Variants in CD44 observed in about 807,000 individuals in gnomAD.
CD44 encodes the protein CD44 molecule (IN blood group), also known as CD44 antigen.
Under a neutral mutation model 88.8 loss-of-function variants are expected in CD44, and 49 were observed. The observed-to-expected ratio is 0.55, with a 90% confidence interval of 0.44 to 0.70. The LOEUF (loss-of-function observed/expected upper bound fraction) is 0.70, where lower values mean the gene tolerates loss of function less well. CD44 is among the 30% of genes least tolerant of loss of function. CD44 has a pLI of 0.00. For missense variants in CD44, 883 were observed against 913.8 expected (o/e 0.97, Z 0.43); for synonymous variants, 325 against 312.3 (o/e 1.04, Z -0.43).
At position 35,139,356 on chromosome 11, in the gene CD44, G is replaced by A. The variant is rs754150435; in HGVS notation, c.53G>A (p.Ser18Asn). 1.3e-6 allele frequency: 2 copies of A among 1,560,262 alleles called. No homozygotes were observed. Among genetic ancestry groups the A allele is most frequent in the Non-Finnish European group, 1.7e-6 (2 of 1,151,676 alleles). Residue 18 changes from serine (S) to asparagine (N), a missense_variant, in exon 1 of 18, where the codon AGC (serine) becomes AAC (asparagine). Transcript: ENST00000428726. Reference protein sequence around the residue: ...AAWGLCLVPLSLAQIDLNITC... With the variant: ...AAWGLCLVPLNLAQIDLNITC... ...TGGGGACTCTGCCTCGTGCCGCTGA[G>A]CCTGGCGCAGATCGGTGAGTGCCCG...
At chr11:35,141,204 G>A (rs908517145) in intron 1 of CD44, among the ~76,000 whole-genome samples, 2 of 152,152 alleles carry the variant, frequency 1.3e-5, no homozygotes, top group African/African-American at 4.8e-5. Context: ...TAAGTGACTT[G>A]CTGGCATTCA....
At chr11:35,162,880 A>G (rs1035347720) in intron 1 of CD44, among the ~76,000 whole-genome samples, 4 of 152,132 alleles carry the variant, frequency 2.6e-5, no homozygotes, top group Admixed American at 6.6e-5. Context: ...ACAGACAGAA[A>G]CACACACATA....
At chr11:35,139,801 G>A (rs1270773600) in intron 1 of CD44, among the ~76,000 whole-genome samples, 2 of 152,248 alleles carry the variant, frequency 1.3e-5, no homozygotes, top group Non-Finnish European at 1.5e-5. Flanking sequence ...AACAGGGCGA[G>A]TGGCTGTTAT....
chr11:35,209,538 T>C (rs1003981498), intron 12 of CD44, among the ~76,000 whole-genome samples: 10 of 152,198 alleles, frequency 6.6e-5, no homozygotes, highest in Admixed American at 5.2e-4. Context: ...ATCATAGTGT[T>C]CATTTTCCCT....
chr11:35,147,046 T>A (rs1859307959), intron 1 of CD44, among the ~76,000 whole-genome samples: 1 of 152,154 alleles, frequency 6.6e-6, no homozygotes, highest in Admixed American at 6.5e-5. Context: ...GGGATGTGAA[T>A]TGAGTTGTTT....
At chr11:35,194,623 G>A (rs1008281295) in intron 5 of CD44, among the ~76,000 whole-genome samples, 6 of 152,276 alleles carry the variant, frequency 3.9e-5, no homozygotes, top group Admixed American at 2.0e-4. Flanking sequence ...CCATTATCAC[G>A]TCAAATCTCC....
rs1949979531 is a variant in CD44, at chr11:35,229,981, G to C, written c.*648G>C. ...AAGTTACTTTGTCAGAGGCACAAAA[G>C]GGTTTAAACTGATTCATAATAAATA... On this transcript the variant is annotated 3_prime_UTR_variant, in exon 18 of 18. Coordinates refer to ENST00000428726, the MANE Select transcript of CD44 (RefSeq NM_000610.4). 6.6e-6 allele frequency: 1 copy of C among 152,368 alleles called. No individual in the cohort carries two copies. The highest frequency in any genetic ancestry group is 6.5e-5 in the Admixed American group (1 of 15,286). The allele number at this position is 152,368 out of a possible 1,614,324, so 9.4% of individuals were successfully genotyped here.
intron 15 of CD44, 124 bp from the exon 16 acceptor site, chr11:35,219,192 C>T: frequency 5.6e-6 from 4 of 714,580 alleles, no homozygotes; most frequent in Middle Eastern, 4.9e-4. Context: ...ACATCTGCAG[C>T]TTGAATCCAT....
chr11:35,167,947 G>C (rs1943481465), intron 1 of CD44, among the ~76,000 whole-genome samples: 1 of 152,304 alleles, frequency 6.6e-6, no homozygotes, highest in South Asian at 2.1e-4. Flanking sequence ...AGAGTATGAT[G>C]GGAAGACCAA....
chr11:35,225,254 C>T (rs926065338), intron 17 of CD44, among the ~76,000 whole-genome samples: 1 of 152,120 alleles, frequency 6.6e-6, no homozygotes, highest in Non-Finnish European at 1.5e-5. Flanking sequence ...CCCTAAATAT[C>T]GTTAAGGATT....
Position 35,211,400 on chromosome 11 carries a change from T to C in CD44, c.1761T>C (p.Thr587=). 1.2e-6 allele frequency: 2 copies of C among 1,614,056 alleles called. No individual in the cohort carries two copies. The highest frequency in any genetic ancestry group is 1.1e-5 in the South Asian group (1 of 91,082). The change falls in exon 14 of 18, where the codon ACT becomes ACC. Residue 587 remains threonine (T), a synonymous_variant. Transcript: ENST00000428726. The part of the protein sequence containing the change: ...TSAKTGSFGV[T]AVTVGDSNSN... ...CTAAGACTGGGTCCTTTGGAGTTACTGCAGTTACTGTTGGAGATTCCAACT... is the reference window on the plus strand; with the variant it reads ...CTAAGACTGGGTCCTTTGGAGTTACCGCAGTTACTGTTGGAGATTCCAACT...
intron 16 of CD44, among the ~76,000 whole-genome samples, chr11:35,219,928 T>G (rs558667262): frequency 7.2e-5 from 11 of 152,202 alleles, no homozygotes; most frequent in Non-Finnish European, 1.5e-4. Context: ...AAAGTATGCA[T>G]GTGCAGTGAG....
chr11:35,210,207 T>C (rs1015890329), intron 13 of CD44, 153 bp downstream of exon 13: 1 of 505,738 alleles, frequency 2.0e-6, no homozygotes, highest in Non-Finnish European at 3.5e-6. Flanking sequence ...GTTCTCTGAT[T>C]TTTCTGTTTT....
chr11:35,207,383 T>C (rs1347837795), intron 11 of CD44, among the ~76,000 whole-genome samples: 1 of 152,222 alleles, frequency 6.6e-6, no homozygotes, highest in Non-Finnish European at 1.5e-5. Flanking sequence ...GGTTTATGAA[T>C]TGTTTGGCCT....
intron 1 of CD44, among the ~76,000 whole-genome samples, chr11:35,173,115 A>T (rs555290415): frequency 6.6e-6 from 1 of 152,368 alleles, no homozygotes; most frequent in East Asian, 1.9e-4. Flanking sequence ...TGTAATAAGA[A>T]AGAAACTACC....
At chr11:35,207,662 A>C (rs1370409641) in intron 11 of CD44, among the ~76,000 whole-genome samples, 1 of 152,204 alleles carries the variant, frequency 6.6e-6, no homozygotes. Context: ...GTGAAGAAAA[A>C]AAGACTAAAG....
chr11:35,210,928 G>A (rs1948332891), intron 13 of CD44, among the ~76,000 whole-genome samples: 1 of 152,104 alleles, frequency 6.6e-6, no homozygotes, highest in African/African-American at 2.4e-5. Context: ...AAGAACTCAA[G>A]ATTATCTAGT....
chr11:35,159,213 G>A (rs150987297), intron 1 of CD44, among the ~76,000 whole-genome samples: 59 of 152,272 alleles, frequency 3.9e-4, no homozygotes, highest in African/African-American at 1.3e-3. Flanking sequence ...TGTGTCCATC[G>A]TTTTTAATCA....
intron 17 of CD44, chr11:35,222,543 T>C (rs972395747): frequency 3.9e-6 from 4 of 1,019,158 alleles, no homozygotes; most frequent in Middle Eastern, 5.4e-4. Context: ...AAGGCCACTC[T>C]CTCCCTACCT....
Sources: allele counts gnomAD v4.1 joint callset (sites outside exome capture counted in the v4.1 genomes callset), GRCh38; gene constraint gnomAD v4.1.1; transcripts MANE v1.5; gene names NCBI Gene and HGNC (gene_info 2026-07-23, HGNC 2026-07-21).